ATR: variants seen among roughly 807,000 people sequenced by gnomAD.
The protein encoded by ATR is serine/threonine-protein kinase ATR.
A neutral mutation model predicts 305.3 loss-of-function variants in ATR; 142 were observed. The ratio of observed to expected loss-of-function variants is 0.47; its 90% CI spans 0.41 to 0.53. The LOEUF is 0.53. Among genes scored for constraint, ATR ranks in the 20% least tolerant of loss-of-function variants. The probability of loss-of-function intolerance (pLI) is 0.00; values close to 1 mark genes in which losing one functional copy is unlikely to be tolerated. For missense variants in ATR, 2,135 were observed against 3,133.1 expected (o/e 0.68, Z 7.60); for synonymous variants, 1,050 against 1,068.1 (o/e 0.98, Z 0.33).
At chr3:142,466,742 A>G (rs1255393341) in intron 39 of ATR, among the ~76,000 whole-genome samples, 1 of 152,166 alleles carries the variant, frequency 6.6e-6, no homozygotes, top group Non-Finnish European at 1.5e-5. Flanking sequence ...AGGAGAGAGT[A>G]GAGGCCTATA....
intron 36 of ATR, among the ~76,000 whole-genome samples, chr3:142,477,203 C>T (rs950158012): frequency 1.2e-4 from 18 of 149,814 alleles, no homozygotes; most frequent in Non-Finnish European, 1.9e-4. Flanking sequence ...CCAGTTTTTG[C>T]CCATTCAGTA....
chr3:142,484,709 G>A (rs1361312490), intron 36 of ATR, among the ~76,000 whole-genome samples: 3 of 152,150 alleles, frequency 2.0e-5, no homozygotes, highest in Non-Finnish European at 2.9e-5. Context: ...GGAAGGAGGA[G>A]ATGGTCTTGT....
chr3:142,577,433 T>C (rs1007057811), intron 1 of ATR, among the ~76,000 whole-genome samples: 1 of 152,242 alleles, frequency 6.6e-6, no homozygotes, highest in Non-Finnish European at 1.5e-5. Flanking sequence ...ATCACTTTTC[T>C]TCCTCTTCTT....
chr3:142,515,340 T>A, intron 25 of ATR, 55 bp downstream of exon 25: 5 of 1,601,712 alleles, frequency 3.1e-6, no homozygotes, highest in Non-Finnish European at 4.3e-6. Context: ...CAGATAGATG[T>A]TCTGGTTTCC....
chr3:142,523,415 G>A (rs13085247), intron 22 of ATR, among the ~76,000 whole-genome samples: 51,859 of 151,674 alleles, frequency 0.34, 9,389 homozygotes, highest in Middle Eastern at 0.44. Flanking sequence ...GCGAGACTCC[G>A]TCCAAAAAAA....
chr3:142,542,900 C>A, intron 16 of ATR, 143 bp from the exon 17 acceptor site: 1 of 711,992 alleles, frequency 1.4e-6, no homozygotes, highest in Non-Finnish European at 2.4e-6. Flanking sequence ...AATTAAGTTT[C>A]TCCAAAAGCA....
intron 38 of ATR, 95 bp from the exon 39 acceptor site, chr3:142,468,163 C>A: frequency 7.0e-7 from 1 of 1,428,268 alleles, no homozygotes. Context: ...AAAAAGTATT[C>A]ATGATGAGAG....
At chr3:142,452,909 GA>G in intron 46 of ATR, 1 of 1,388,078 alleles carries the variant, frequency 7.2e-7, no homozygotes, top group African/African-American at 1.5e-5. Flanking sequence ...AGTGTGCCAT[GA>G]ACTTTTATTA....
intron 38 of ATR, among the ~76,000 whole-genome samples, chr3:142,468,827 A>C (rs980339354): frequency 1.3e-5 from 2 of 152,078 alleles, no homozygotes; most frequent in Non-Finnish European, 2.9e-5. Flanking sequence ...CCATCTCTAC[A>C]AAAAGAATTT....
Position 142,512,247 on chromosome 3 carries a change from A to T in ATR, c.4852+13T>A, listed in dbSNP as rs1239555894. The T allele has an allele frequency of 6.3e-7, 1 of 1,591,472 alleles. No homozygotes were observed. On this transcript the variant is annotated intron_variant, in intron 27 of 46. Coordinates refer to ENST00000350721, the MANE Select transcript of ATR (RefSeq NM_001184.4). ...AAAAAAAAAAAAAAAAAGAAACAGA[A>T]GTGATAACTCACCCATTGAGTCTAC...
At chr3:142,509,276 G>C (rs2032422050) in intron 27 of ATR, among the ~76,000 whole-genome samples, 1 of 152,036 alleles carries the variant, frequency 6.6e-6, no homozygotes. Context: ...AAGTGATCCT[G>C]CCTCAGCCTC....
At chr3:142,528,945 G>A (rs769375897) in intron 21 of ATR, among the ~76,000 whole-genome samples, 227 of 134,500 alleles carry the variant, frequency 1.7e-3, no homozygotes, top group Non-Finnish European at 2.3e-3. Context: ...GTGCAGTGGC[G>A]CAATCTCGGC....
rs1481528519 is a variant in ATR at position 142,466,711 on chromosome 3, A to T, written c.6688-178T>A. On this transcript the variant is annotated intron_variant, in intron 39 of 46. Coordinates refer to ENST00000350721, the MANE Select transcript of ATR (RefSeq NM_001184.4). ...CCTCATTAATAATAGTACCTACATC[A>T]TAGGATTGTTTAATGATTAAAGGAG... Among the ~76,000 whole-genome samples the T allele has an allele frequency of 2.6e-5, 4 of 152,118 alleles. No homozygotes were observed. In the East Asian group the frequency reaches 7.7e-4, roughly 29 times the overall value.
rs1305450836 is a variant in ATR, at chr3:142,540,907, C to A, written c.3578G>T (p.Cys1193Phe). 6.2e-7 allele frequency: 1 copy of A among 1,609,338 alleles called. No individual in the cohort carries two copies. The highest frequency in any genetic ancestry group is 2.2e-5 in the East Asian group (1 of 44,720). Residue 1193 changes from cysteine (C) to phenylalanine (F), a missense_variant, in exon 18 of 47, where the codon TGC (cysteine) becomes TTC (phenylalanine). Transcript: ENST00000350721. ...ATAAACTCAGGCAGTCATTTACCTG[C>A]AACACAATTCAGGAAAATCATCCTT... ...RFKDDFPELC[C>F]RAWDCFVRCL...
chr3:142,459,058 C>T lies in ATR; in HGVS notation c.7403G>A (p.Gly2468Asp), dbSNP rs761240123. The T allele has an allele frequency of 1.9e-6, 3 of 1,614,010 alleles. No homozygotes were observed. The South Asian group carries it at 3.3e-5, about 18-fold the overall frequency. ...CRSTAVMSMV[G>D]YILGLGDRHG... ...ACGGTCTCCAAGCCCCAGAATATAA[C>T]CAACCATTGACATTACTGCAGTGGA... The change falls in exon 44 of 47, where the codon GGT (glycine) becomes GAT (aspartate). Residue 2468 changes from glycine to aspartate, a missense_variant. Coordinates refer to ENST00000350721, the MANE Select transcript of ATR (RefSeq NM_001184.4).
intron 27 of ATR, among the ~76,000 whole-genome samples, chr3:142,510,117 A>C (rs1380491837): frequency 1.3e-5 from 2 of 150,280 alleles, no homozygotes; most frequent in Non-Finnish European, 3.0e-5. Context: ...CTGTCTCAGA[A>C]AAAAAAAAAA....
At chr3:142,508,720 G>A (rs2032384919) in intron 27 of ATR, among the ~76,000 whole-genome samples, 1 of 151,912 alleles carries the variant, frequency 6.6e-6, no homozygotes, top group Admixed American at 6.6e-5. Flanking sequence ...TTAGGAGATC[G>A]AGACCATCCC....
Position 142,566,229 on chromosome 3 carries a change from G to A in ATR, c.184C>T (p.Gln62Ter), listed in dbSNP as rs1443962821. 7 of 1,613,906 alleles carry A rather than the reference G, an allele frequency of 4.3e-6. No homozygotes were observed. The highest frequency in any genetic ancestry group is 5.9e-6 in the Non-Finnish European group (7 of 1,179,878). Residue 62 changes from glutamine to a stop codon, truncating the protein, a stop_gained, in exon 3 of 47, where the codon CAG (glutamine) becomes TAG (stop). Transcript: ENST00000350721. LOFTEE classifies it high-confidence loss of function. ...TCAAGCAACATCACGGAGGTTGGCTGAGAGTCAGTTTTCTTTACAAGTTCT... is the reference window on the plus strand; with the variant it reads ...TCAAGCAACATCACGGAGGTTGGCTAAGAGTCAGTTTTCTTTACAAGTTCT... ...AVELVKKTDS[Q>*]PTSVMLLDFI...
intron 1 of ATR, among the ~76,000 whole-genome samples, chr3:142,576,717 A>G (rs956250953): frequency 6.6e-5 from 10 of 152,254 alleles, no homozygotes; most frequent in African/African-American, 2.4e-4. Context: ...ATACAATTCT[A>G]TAGAAGACAT....
Sources: gnomAD v4.1 joint callset for allele counts (sites outside exome capture counted in the v4.1 genomes callset) on GRCh38, gnomAD v4.1.1 for gene constraint, MANE v1.5 for transcripts, NCBI Gene and HGNC (gene_info 2026-07-23, HGNC 2026-07-21) for gene names.